The following GTPBP10 variants were observed in gnomAD, a reference collection of about 807,000 sequenced individuals.
The protein encoded by GTPBP10 is GTP-binding protein 10.
A neutral mutation model predicts 44.8 loss-of-function variants in GTPBP10; 38 were observed. That is an observed-to-expected ratio of 0.85 (90% confidence interval 0.65 to 1.11). GTPBP10 has a LOEUF of 1.11. Among genes scored for constraint, GTPBP10 ranks in the 50% most tolerant of loss-of-function variants. The pLI, the probability that GTPBP10 is intolerant of heterozygous loss-of-function variation, is 0.00. For missense variants in GTPBP10, 462 were observed against 453.7 expected (o/e 1.02, Z -0.17); for synonymous variants, 152 against 150.6 (o/e 1.01, Z -0.07).
chr7:90,382,256 T>C (rs1321276136), intron 8 of GTPBP10, among the ~76,000 whole-genome samples: 1 of 152,172 alleles, frequency 6.6e-6, no homozygotes, highest in Non-Finnish European at 1.5e-5. Context: ...TCCATTTGTT[T>C]CATTCTTTTC....
chr7:90,379,371 G>T (rs1796397334), intron 8 of GTPBP10, among the ~76,000 whole-genome samples: 1 of 152,132 alleles, frequency 6.6e-6, no homozygotes. Context: ...CCAAGCTGAT[G>T]CTGATGTTCC....
chr7:90,383,916 CCT>C (rs1322609871), intron 9 of GTPBP10: 1 of 152,136 alleles, frequency 6.6e-6, no homozygotes, highest in African/African-American at 2.4e-5. Flanking sequence ...AAATCTTTCC[CCT>C]GTGTAATCTA....
intron 4 of GTPBP10, among the ~76,000 whole-genome samples, chr7:90,368,492 G>GT (rs537637055): frequency 1.3e-5 from 2 of 151,836 alleles, no homozygotes; most frequent in African/African-American, 2.4e-5. Flanking sequence ...TTTCTTTTCA[G>GT]TTTTTTTTCC....
chr7:90,352,274 T>A (rs1406452300), intron 1 of GTPBP10, among the ~76,000 whole-genome samples: 2 of 152,210 alleles, frequency 1.3e-5, no homozygotes, highest in Non-Finnish European at 2.9e-5. Flanking sequence ...TTAGAGAACA[T>A]TGGAGGAACA....
At chr7:90,361,815 A>T (rs1420591773) in intron 4 of GTPBP10, among the ~76,000 whole-genome samples, 2 of 152,056 alleles carry the variant, frequency 1.3e-5, no homozygotes, top group Non-Finnish European at 2.9e-5. Context: ...AGAGCCTGTT[A>T]TTGGTCTATT....
At chr7:90,369,833 C>T (rs1037923396) in intron 4 of GTPBP10, among the ~76,000 whole-genome samples, 1 of 152,148 alleles carries the variant, frequency 6.6e-6, no homozygotes, top group South Asian at 2.1e-4. Flanking sequence ...CACCCACTGC[C>T]CAACCCGCCA....
At chr7:90,349,488 C>A (rs1374831057) in intron 1 of GTPBP10, among the ~76,000 whole-genome samples, 1 of 152,124 alleles carries the variant, frequency 6.6e-6, no homozygotes, top group Non-Finnish European at 1.5e-5. Context: ...GAAGGTACTT[C>A]CTGACTTCAG....
chr7:90,366,771 T>C (rs991610281), intron 4 of GTPBP10, among the ~76,000 whole-genome samples: 2 of 152,098 alleles, frequency 1.3e-5, no homozygotes, highest in African/African-American at 4.8e-5. Flanking sequence ...AAGGGTATTT[T>C]GTGTCTCTAT....
At position 90,377,581 on chromosome 7, in the gene GTPBP10, G is replaced by A. The variant is rs754863979; in HGVS notation, c.666G>A (p.Lys222=). 3.1e-6 allele frequency: 5 copies of A among 1,611,018 alleles called. No homozygotes were observed. In the Middle Eastern group the frequency reaches 6.6e-4, roughly 213 times the overall value. ...MNKGMGHKFL[K]HIERTRQLLF... ...AAGGAATGGGCCACAAATTCCTCAA[G>A]CATATAGAAAGAACTAGACAACTAC... Residue 222 remains lysine (K), a synonymous_variant, in exon 7 of 10, where the codon AAG becomes AAA. Coordinates refer to ENST00000222511, the MANE Select transcript of GTPBP10 (RefSeq NM_033107.4).
intron 5 of GTPBP10, 64 bp downstream of exon 5, chr7:90,372,292 C>A (rs1277784209): frequency 8.2e-6 from 9 of 1,093,280 alleles, no homozygotes; most frequent in African/African-American, 1.6e-5. Flanking sequence ...TAATATTTCT[C>A]TGAGAATGAA....
intron 8 of GTPBP10, among the ~76,000 whole-genome samples, chr7:90,378,512 G>A (rs1279949715): frequency 1.3e-5 from 2 of 152,132 alleles, no homozygotes; most frequent in African/African-American, 2.4e-5. Flanking sequence ...TTTTGTGACC[G>A]GTAATCTTCT....
intron 1 of GTPBP10, among the ~76,000 whole-genome samples, chr7:90,352,240 T>C (rs1795804129): frequency 6.6e-6 from 1 of 152,236 alleles, no homozygotes; most frequent in Non-Finnish European, 1.5e-5. Flanking sequence ...TCTCAATGAA[T>C]ATGTAAACCA....
At chr7:90,349,777 TA>T (rs1016485201) in intron 1 of GTPBP10, among the ~76,000 whole-genome samples, 28 of 152,160 alleles carry the variant, frequency 1.8e-4, no homozygotes, top group African/African-American at 6.8e-4. Context: ...TCATCAGCAT[TA>T]ACAACCTGAT....
rs567577347 is a variant in GTPBP10 at position 90,378,789 on chromosome 7, G to T, written c.777+578G>T. On this transcript the variant is annotated intron_variant, in intron 8 of 9. Transcript: ENST00000222511. ...CAGTGGCATGATCTCGGCTCTCTCT[G>T]TCTCCCGGGCTCAAGTGATTCTCCT... Among the ~76,000 whole-genome samples, 4 of 151,926 alleles carry T rather than the reference G, an allele frequency of 2.6e-5. No homozygotes were observed. The South Asian group carries it at 8.3e-4, about 32-fold the overall frequency.
intron 4 of GTPBP10, among the ~76,000 whole-genome samples, chr7:90,369,064 C>A (rs1036299037): frequency 5.3e-5 from 8 of 152,198 alleles, no homozygotes; most frequent in Non-Finnish European, 8.8e-5. Context: ...CGCTGCAGGT[C>A]TTTTGGAGGT....
chr7:90,389,564 T>C lies in GTPBP10; in HGVS notation c.*4410T>C, dbSNP rs1018761634. On this transcript the variant is annotated 3_prime_UTR_variant, in exon 10 of 10. Transcript: ENST00000222511. ...ACCACGTCCAGCTAATTTTTGTATT[T>C]TTAGTAGAGACGGGGTTTCACCATG... 3.9e-5 allele frequency: 6 copies of C among 151,906 alleles called. No individual in the cohort carries two copies. The highest frequency in any genetic ancestry group is 1.5e-4 in the African/African-American group (6 of 41,338). 9.4% of individuals were successfully genotyped at this position (151,906 alleles called of 1,614,324 possible). A position where few individuals can be genotyped will look rare whatever the true frequency, so the allele number is the denominator to read the frequency against.
chr7:90,361,153 A>G (rs1420524367), intron 4 of GTPBP10, among the ~76,000 whole-genome samples: 3 of 152,216 alleles, frequency 2.0e-5, no homozygotes, highest in African/African-American at 7.2e-5. Context: ...TGCCCTGGCC[A>G]GAACTTCCAA....
intron 4 of GTPBP10, among the ~76,000 whole-genome samples, chr7:90,368,270 C>G (rs187761811): frequency 6.6e-6 from 1 of 152,212 alleles, no homozygotes; most frequent in African/African-American, 2.4e-5. Context: ...TGCGGTTGCT[C>G]TTCTCGAGGA....
intron 6 of GTPBP10, among the ~76,000 whole-genome samples, chr7:90,376,142 G>A (rs1037309319): frequency 2.0e-5 from 3 of 151,876 alleles, no homozygotes; most frequent in Admixed American, 6.6e-5. Flanking sequence ...GGCTGAGGCG[G>A]GAGAATGGCG....
Sources: gnomAD v4.1 joint callset for allele counts (sites outside exome capture counted in the v4.1 genomes callset) on GRCh38, gnomAD v4.1.1 for gene constraint, MANE v1.5 for transcripts, NCBI Gene and HGNC (gene_info 2026-07-23, HGNC 2026-07-21) for gene names.